PRKN: variants seen among roughly 807,000 people sequenced by gnomAD.
The protein encoded by PRKN is E3 ubiquitin-protein ligase parkin.
PRKN carries 56 observed loss-of-function variants against 59.5 expected under a neutral mutation model. The observed-to-expected ratio is 0.94, with a 90% CI of 0.76 to 1.18. The LOEUF (loss-of-function observed/expected upper bound fraction) is 1.18, where lower values mean the gene tolerates loss of function less well. Among genes scored for constraint, PRKN ranks in the 50% most tolerant of loss-of-function variants. The probability of loss-of-function intolerance (pLI) is 0.00; values close to 1 mark genes in which losing one functional copy is unlikely to be tolerated. For missense variants in PRKN, 657 were observed against 596.4 expected, an observed-to-expected ratio of 1.10 and a Z score of -1.06; for synonymous variants, 250 against 222.1, an observed-to-expected ratio of 1.13 and a Z score of -1.12.
intron 1 of PRKN, among the ~76,000 whole-genome samples, chr6:162,453,364 C>A (rs1431217406): frequency 6.6e-6 from 1 of 151,992 alleles, no homozygotes; most frequent in Non-Finnish European, 1.5e-5. Flanking sequence ...TTTTTTTATT[C>A]TTTGATTAAT....
intron 1 of PRKN, among the ~76,000 whole-genome samples, chr6:162,453,119 G>A (rs1406252693): frequency 1.3e-5 from 2 of 152,084 alleles, no homozygotes; most frequent in South Asian, 4.1e-4. Flanking sequence ...GTACTGCATC[G>A]GGCCAGACTG....
chr6:161,686,802 C>T (rs1338720442), intron 7 of PRKN, among the ~76,000 whole-genome samples: 1 of 152,166 alleles, frequency 6.6e-6, no homozygotes, highest in Non-Finnish European at 1.5e-5. Context: ...AAACCACAGC[C>T]ATCTCCTTAG....
chr6:162,002,612 A>G (rs1329566490), intron 5 of PRKN, among the ~76,000 whole-genome samples: 1 of 147,656 alleles, frequency 6.8e-6, no homozygotes, highest in Non-Finnish European at 1.5e-5. Context: ...ATTTTTCTCT[A>G]TTGATTTCGT....
rs1010913713 is a variant in PRKN at position 161,357,934 on chromosome 6, C to T, written c.1285+2154G>A. 2.0e-5 allele frequency among the ~76,000 whole-genome samples: 3 copies of T among 152,252 alleles called. No homozygotes were observed. Among genetic ancestry groups the T allele is most frequent in the Admixed American group, 1.3e-4 (2 of 15,292 alleles). The stretch of plus-strand genomic sequence containing the variant: ...TTATGAACGAGCAAACTGGTGCTCA[C>T]ACAGCCACAGTCCATGGCAGAGTCC... On this transcript the variant is annotated intron_variant, in intron 11 of 11. Coordinates refer to ENST00000366898, the MANE Select transcript of PRKN (RefSeq NM_004562.3). This position sits in a 1 kb window ranked among gnomAD's most constrained non-coding sequence, Gnocchi z 5.5.
intron 9 of PRKN, among the ~76,000 whole-genome samples, chr6:161,411,164 G>A (rs940258019): frequency 2.0e-5 from 3 of 152,246 alleles, no homozygotes; most frequent in South Asian, 2.1e-4. Context: ...CTAGGTCAGT[G>A]ACATGGCTTG....
At chr6:161,860,865 C>G (rs142718334) in intron 6 of PRKN, among the ~76,000 whole-genome samples, 2 of 152,246 alleles carry the variant, frequency 1.3e-5, no homozygotes, top group East Asian at 1.9e-4. Context: ...AAATGCAAAT[C>G]AAAACCACAA....
chr6:162,537,256 C>T (rs1018340361), intron 1 of PRKN, among the ~76,000 whole-genome samples: 1 of 152,062 alleles, frequency 6.6e-6, no homozygotes, highest in African/African-American at 2.4e-5. Context: ...TCCCTTCCAC[C>T]CTATATCCAA....
At chr6:162,134,894 C>G (rs575000453) in intron 4 of PRKN, among the ~76,000 whole-genome samples, 1 of 152,104 alleles carries the variant, frequency 6.6e-6, no homozygotes, top group Admixed American at 6.5e-5. Flanking sequence ...TATTTTTACA[C>G]GAGAAAAAAT....
chr6:161,489,036 A>G (rs1777448694), intron 9 of PRKN, among the ~76,000 whole-genome samples: 1 of 152,206 alleles, frequency 6.6e-6, no homozygotes, highest in Non-Finnish European at 1.5e-5. Flanking sequence ...GGGGGCTAAG[A>G]GTTTTCAGAA....
intron 9 of PRKN, among the ~76,000 whole-genome samples, chr6:161,511,921 G>A (rs1165073554): frequency 6.6e-6 from 1 of 152,116 alleles, no homozygotes; most frequent in Non-Finnish European, 1.5e-5. Flanking sequence ...CATTCATTAC[G>A]ATCCGCGGGA....
intron 5 of PRKN, among the ~76,000 whole-genome samples, chr6:162,003,044 C>T (rs181095154): frequency 1.8e-4 from 27 of 151,840 alleles, no homozygotes; most frequent in Middle Eastern, 3.4e-3. Context: ...TGTTCTGTGT[C>T]CTGGTGAATG....
intron 2 of PRKN, among the ~76,000 whole-genome samples, chr6:162,415,617 T>C (rs1405030195): frequency 6.6e-6 from 1 of 152,030 alleles, no homozygotes; most frequent in African/African-American, 2.4e-5. Context: ...CAACAGATCA[T>C]GACCATCCTG....
chr6:161,513,046 C>T (rs916154674), intron 9 of PRKN, among the ~76,000 whole-genome samples: 5 of 152,164 alleles, frequency 3.3e-5, no homozygotes, highest in Non-Finnish European at 5.9e-5. Flanking sequence ...GCCACGGTTT[C>T]GATTTCTCAG....
chr6:162,251,812 T>C (rs983054398), intron 3 of PRKN, among the ~76,000 whole-genome samples: 3 of 152,190 alleles, frequency 2.0e-5, no homozygotes, highest in African/African-American at 4.8e-5. Flanking sequence ...TAAATAATAT[T>C]CTCAACATCA....
chr6:161,972,295 G>T (rs1169704251), intron 6 of PRKN, among the ~76,000 whole-genome samples: 1 of 149,560 alleles, frequency 6.7e-6, no homozygotes, highest in Admixed American at 6.7e-5. Context: ...AAAAAAAAGA[G>T]TTCTTCCTGA....
At chr6:161,935,157 T>G (rs1361586608) in intron 6 of PRKN, among the ~76,000 whole-genome samples, 1 of 152,060 alleles carries the variant, frequency 6.6e-6, no homozygotes, top group Non-Finnish European at 1.5e-5. Flanking sequence ...AAAATGCATA[T>G]TATAGAAAAA....
chr6:162,031,964 G>A (rs1011863275), intron 5 of PRKN, among the ~76,000 whole-genome samples: 1 of 152,168 alleles, frequency 6.6e-6, no homozygotes. Flanking sequence ...GTGAAGTAAT[G>A]TTCTAGTTAT....
chr6:162,450,700 G>A (rs536064151), intron 1 of PRKN, among the ~76,000 whole-genome samples: 1 of 152,246 alleles, frequency 6.6e-6, no homozygotes, highest in East Asian at 1.9e-4. Context: ...GGCCAGCACT[G>A]CGCAAACCTT....
intron 7 of PRKN, among the ~76,000 whole-genome samples, chr6:161,764,008 G>A (rs372916977): frequency 1.1e-4 from 17 of 152,082 alleles, no homozygotes; most frequent in African/African-American, 4.1e-4. Context: ...GAAGCTTCCA[G>A]CATCTGACTT....
Sources: allele counts gnomAD v4.1 joint callset (sites outside exome capture counted in the v4.1 genomes callset), GRCh38; gene constraint gnomAD v4.1.1; non-coding constraint Gnocchi (gnomAD v3.1); transcripts MANE v1.5; gene names NCBI Gene and HGNC (gene_info 2026-07-23, HGNC 2026-07-21).